The following FXN variants were observed in gnomAD, a reference collection of about 807,000 sequenced individuals.
FXN encodes the protein frataxin, mitochondrial.
FXN carries 14 observed loss-of-function variants against 22.4 expected under a neutral mutation model. The ratio of observed to expected loss-of-function variants is 0.62; its 90% CI spans 0.41 to 0.98. The LOEUF is 0.98. Among genes scored for constraint, FXN ranks in the 50% least tolerant of loss-of-function variants. The pLI is 0.00. For missense variants in FXN, 267 were observed against 268.4 expected (o/e 0.99, Z 0.04); for synonymous variants, 120 against 114.1 (o/e 1.05, Z -0.33).
Position 69,074,941 on chromosome 9 carries a change from A to G in FXN, c.*2179A>G. ...TCTACTGAAAGTTTCAGTGCACCCC[A>G]CTTACTTAGAACTCGGTGACATGAT... On this transcript the variant is annotated 3_prime_UTR_variant, in exon 5 of 5. Transcript: ENST00000484259. 1 of 985,426 alleles carries G rather than the reference A, an allele frequency of 1.0e-6. No homozygotes were observed. Among genetic ancestry groups the G allele is most frequent in the South Asian group, 4.7e-5 (1 of 21,286 alleles). The allele number at this position is 985,426 out of a possible 1,614,324, so 61.0% of individuals were successfully genotyped here.
chr9:69,036,122 G>A, intron 1 of FXN, 175 bp downstream of exon 1: 1 of 395,544 alleles, frequency 2.5e-6, no homozygotes, highest in Non-Finnish European at 4.1e-6. Context: ...TCCCTTCTCT[G>A]GTTCTCCCGG....
chr9:69,035,915 G>C lies in FXN; in HGVS notation c.133G>C (p.Asp45His), dbSNP rs755663313. 3 of 1,450,502 alleles carry C rather than the reference G, an allele frequency of 2.1e-6. No individual in the cohort carries two copies. The highest frequency in any genetic ancestry group is 1.5e-5 in the African/African-American group (1 of 66,420). 89.9% of individuals were successfully genotyped at this position (1,450,502 alleles called of 1,614,324 possible). ...PLCGRRGLRTDIDATCTPRRA... is the reference protein window; with the variant it reads ...PLCGRRGLRTHIDATCTPRRA... Reference sequence around the variant, plus strand: ...CTGCGGCCGCCGTGGCCTGCGCACCGACATCGATGCGACCTGCACGCCCCG... The same window carrying C: ...CTGCGGCCGCCGTGGCCTGCGCACCCACATCGATGCGACCTGCACGCCCCG... The change falls in exon 1 of 5, where the codon GAC (aspartate) becomes CAC (histidine). Residue 45 changes from aspartate to histidine, a missense_variant. By Grantham distance (81) the Asp-to-His change is moderately conservative. Coordinates refer to ENST00000484259, the MANE Select transcript of FXN (RefSeq NM_000144.5).
At chr9:69,068,118 G>A (rs1007151631) in intron 4 of FXN, among the ~76,000 whole-genome samples, 1 of 152,128 alleles carries the variant, frequency 6.6e-6, no homozygotes, top group Non-Finnish European at 1.5e-5. Flanking sequence ...AATTGGTAAC[G>A]AGCCTCAGAA....
intron 1 of FXN, among the ~76,000 whole-genome samples, chr9:69,044,011 C>T (rs922376190): frequency 8.5e-5 from 13 of 152,270 alleles, no homozygotes; most frequent in Admixed American, 2.0e-4. Context: ...GTGTGAGCTA[C>T]CATGCCCAGC....
At chr9:69,057,223 C>G (rs890707002) in intron 3 of FXN, among the ~76,000 whole-genome samples, 2 of 152,176 alleles carry the variant, frequency 1.3e-5, no homozygotes, top group African/African-American at 4.8e-5. Flanking sequence ...CTGGGCTCCC[C>G]TTGGCCAAAA....
At position 69,078,021 on chromosome 9, in the gene FXN, C is replaced by T; in HGVS notation, c.*5259C>T. ...ACAATATCATTTCCCAATTACATTC[C>T]TTTCCTACCGCACTCTATGATGCTA... On this transcript the variant is annotated 3_prime_UTR_variant, in exon 5 of 5. Coordinates refer to ENST00000484259, the MANE Select transcript of FXN (RefSeq NM_000144.5). 1 of 985,380 alleles carries T rather than the reference C, an allele frequency of 1.0e-6. No homozygotes were observed. Among genetic ancestry groups the T allele is most frequent in the African/African-American group, 1.7e-5 (1 of 57,364 alleles). The allele number at this position is 985,380 out of a possible 1,614,324, so 61.0% of individuals were successfully genotyped here. A position where few individuals can be genotyped will look rare whatever the true frequency, so the allele number is the denominator to read the frequency against.
intron 1 of FXN, among the ~76,000 whole-genome samples, chr9:69,041,491 C>T (rs549463249): frequency 6.6e-6 from 1 of 152,334 alleles, no homozygotes; most frequent in African/African-American, 2.4e-5. Flanking sequence ...TGTGCATGGA[C>T]AGAAGTTCCT....
chr9:69,042,943 T>C (rs1831684568), intron 1 of FXN, among the ~76,000 whole-genome samples: 1 of 152,204 alleles, frequency 6.6e-6, no homozygotes. Context: ...TCTGTGTATC[T>C]GTGTAGGCAA....
At position 69,073,011 on chromosome 9, in the gene FXN, C is replaced by A; in HGVS notation, c.*249C>A. The A allele has an allele frequency of 7.1e-7, 1 of 1,404,370 alleles. No individual in the cohort carries two copies. Among genetic ancestry groups the A allele is most frequent in the Non-Finnish European group, 9.2e-7 (1 of 1,083,422 alleles). 87.0% of individuals were successfully genotyped at this position (1,404,370 alleles called of 1,614,324 possible). A position where few individuals can be genotyped will look rare whatever the true frequency, so the allele number is the denominator to read the frequency against. On this transcript the variant is annotated 3_prime_UTR_variant, in exon 5 of 5. Coordinates refer to ENST00000484259, the MANE Select transcript of FXN (RefSeq NM_000144.5). ...GGATTTCCTCCCTCACATGATACCC[C>A]TTATCTTTTATAATGTCTTATGCCT...
chr9:69,042,547 G>A (rs74813144), intron 1 of FXN, among the ~76,000 whole-genome samples: 2 of 152,338 alleles, frequency 1.3e-5, no homozygotes, highest in East Asian at 1.9e-4. Context: ...GCAAAAGCAG[G>A]TAGAATATAA....
At chr9:69,035,984 G>A in intron 1 of FXN, 37 bp downstream of exon 1, 1 of 1,380,396 alleles carries the variant, frequency 7.2e-7, no homozygotes. Context: ...CGGGCCGCAC[G>A]CCGCGGGCCG....
intron 4 of FXN, among the ~76,000 whole-genome samples, chr9:69,068,764 T>A (rs1832219387): frequency 6.6e-6 from 1 of 152,046 alleles, no homozygotes; most frequent in Non-Finnish European, 1.5e-5. Flanking sequence ...CTCAGGCTGG[T>A]GGTGGTCTTA....
chr9:69,076,232 A>G lies in FXN; in HGVS notation c.*3470A>G, dbSNP rs1228076870. On this transcript the variant is annotated 3_prime_UTR_variant, in exon 5 of 5. Coordinates refer to ENST00000484259, the MANE Select transcript of FXN (RefSeq NM_000144.5). Reference sequence around the variant, plus strand: ...GTGGCCTCATGTTTTTTTTTTTTTTAATCTATAAAATGGAGATATCTAACA... The same window carrying G: ...GTGGCCTCATGTTTTTTTTTTTTTTGATCTATAAAATGGAGATATCTAACA... The G allele has an allele frequency of 3.1e-6, 2 of 653,990 alleles. No individual in the cohort carries two copies. Among genetic ancestry groups the G allele is most frequent in the Non-Finnish European group, 3.4e-6 (2 of 584,970 alleles). The allele number at this position is 653,990 out of a possible 1,614,324, so 40.5% of individuals were successfully genotyped here.
intron 4 of FXN, among the ~76,000 whole-genome samples, chr9:69,068,375 A>C (rs1418161410): frequency 6.6e-6 from 1 of 152,024 alleles, no homozygotes; most frequent in East Asian, 1.9e-4. Context: ...CCCTCCCCCC[A>C]GCCCAACAGA....
chr9:69,046,085 G>A (rs1482424510), intron 1 of FXN, among the ~76,000 whole-genome samples: 1 of 152,180 alleles, frequency 6.6e-6, no homozygotes, highest in Non-Finnish European at 1.5e-5. Context: ...GGAGAGATCT[G>A]TGCTCTGGAA....
chr9:69,076,148 A>C lies in FXN; in HGVS notation c.*3386A>C. 1 of 985,250 alleles carries C rather than the reference A, an allele frequency of 1.0e-6. No homozygotes were observed. The highest frequency in any genetic ancestry group is 1.2e-6 in the Non-Finnish European group (1 of 829,804). 61.0% of individuals were successfully genotyped at this position (985,250 alleles called of 1,614,324 possible). ...GTGTAAAAGAGAACCTGGGTTTTTG[A>C]ATCACAAATTTAGAATTTAATCGAA... On this transcript the variant is annotated 3_prime_UTR_variant, in exon 5 of 5. Coordinates refer to ENST00000484259, the MANE Select transcript of FXN (RefSeq NM_000144.5).
chr9:69,066,232 C>G (rs1832163546), intron 4 of FXN, among the ~76,000 whole-genome samples: 1 of 152,224 alleles, frequency 6.6e-6, no homozygotes, highest in African/African-American at 2.4e-5. Context: ...CCAGATAAAA[C>G]TAGCATAGAA....
chr9:69,073,115 C>G lies in FXN; in HGVS notation c.*353C>G. The G allele has an allele frequency of 8.7e-7, 1 of 1,149,990 alleles. No individual in the cohort carries two copies. The highest frequency in any genetic ancestry group is 1.1e-6 in the Non-Finnish European group (1 of 928,806). 71.2% of individuals were successfully genotyped at this position (1,149,990 alleles called of 1,614,324 possible). ...CAGGAGGGAAAATGAATTGTCTTCA[C>G]TCTTCATTCTTTGAAGGATTTACTG... On this transcript the variant is annotated 3_prime_UTR_variant, in exon 5 of 5. Coordinates refer to ENST00000484259, the MANE Select transcript of FXN (RefSeq NM_000144.5).
intron 1 of FXN, among the ~76,000 whole-genome samples, chr9:69,044,074 C>T (rs1831704427): frequency 6.6e-6 from 1 of 152,128 alleles, no homozygotes; most frequent in Non-Finnish European, 1.5e-5. Context: ...TGTCTTTAAA[C>T]AGAAATAAGG....
Sources: gnomAD v4.1 joint callset for allele counts (sites outside exome capture counted in the v4.1 genomes callset) on GRCh38, gnomAD v4.1.1 for gene constraint, MANE v1.5 for transcripts, NCBI Gene and HGNC (gene_info 2026-07-23, HGNC 2026-07-21) for gene names.